SLC9A1: variants seen among roughly 807,000 people sequenced by gnomAD.
SLC9A1 encodes the protein sodium/hydrogen exchanger 1.
A neutral mutation model predicts 67.9 loss-of-function variants in SLC9A1; 22 were observed. That is an observed-to-expected ratio of 0.32 (90% CI 0.23 to 0.46). The LOEUF is 0.46. Among genes scored for constraint, SLC9A1 ranks in the 20% least tolerant of loss-of-function variants. The probability of loss-of-function intolerance (pLI) is 1.00; values close to 1 mark genes in which losing one functional copy is unlikely to be tolerated. For missense variants in SLC9A1, 686 were observed against 1,094.8 expected (o/e 0.63, Z 5.27); for synonymous variants, 421 against 471.8 (o/e 0.89, Z 1.40).
chr1:27,133,297 G>A (rs2083398239), intron 1 of SLC9A1, among the ~76,000 whole-genome samples: 1 of 152,098 alleles, frequency 6.6e-6, no homozygotes, highest in Non-Finnish European at 1.5e-5. Context: ...TCAAACTCCT[G>A]ACCTCAAGCG....
Position 27,101,336 on chromosome 1 carries a change from A to G in SLC9A1, c.2038-61T>C. On this transcript the variant is annotated intron_variant, in intron 10 of 11. Coordinates refer to ENST00000263980, the MANE Select transcript of SLC9A1 (RefSeq NM_003047.5). The surrounding 1 kb of genome is among the most constrained non-coding windows in gnomAD (Gnocchi z 4.9). ...CTGGGCAGAGGGAGCCCCTCAGGAC[A>G]GAACCCGGCCAGTGCACACCCCACC... The G allele has an allele frequency of 7.3e-7, 1 of 1,375,802 alleles. No homozygotes were observed. Among genetic ancestry groups the G allele is most frequent in the East Asian group, 2.3e-5 (1 of 43,680 alleles). 85.2% of individuals were successfully genotyped at this position (1,375,802 alleles called of 1,614,324 possible).
intron 1 of SLC9A1, among the ~76,000 whole-genome samples, chr1:27,127,030 T>C (rs2083349271): frequency 6.6e-6 from 1 of 152,110 alleles, no homozygotes; most frequent in African/African-American, 2.4e-5. Context: ...AAACAGAGTC[T>C]GGCTGTGTTG....
chr1:27,142,127 G>C (rs996173700), intron 1 of SLC9A1, among the ~76,000 whole-genome samples: 4 of 152,088 alleles, frequency 2.6e-5, no homozygotes, highest in African/African-American at 9.7e-5. Context: ...AGGCTTAAAG[G>C]GCCCACTGGA....
In SLC9A1 at chr1:27,101,862, C is replaced by G; in HGVS notation, c.1936-36G>C. 1 of 1,542,322 alleles carries G rather than the reference C, an allele frequency of 6.5e-7. No homozygotes were observed. Among genetic ancestry groups the G allele is most frequent in the South Asian group, 1.1e-5 (1 of 89,418 alleles). The stretch of plus-strand genomic sequence containing the variant: ...GACAGCGTCAGGGCAGTGCGGGCCC[C>G]GGAAGGCTCTGCTCATGGAGGGGTG... On this transcript the variant is annotated intron_variant, in intron 9 of 11. Coordinates refer to ENST00000263980, the MANE Select transcript of SLC9A1 (RefSeq NM_003047.5). This position sits in a 1 kb window ranked among gnomAD's most constrained non-coding sequence, Gnocchi z 4.9.
Position 27,133,437 on chromosome 1 carries a change from C to T in SLC9A1, c.353-19151G>A, listed in dbSNP as rs2083399133. 2.0e-5 allele frequency among the ~76,000 whole-genome samples: 3 copies of T among 152,208 alleles called. No homozygotes were observed. In the South Asian group the frequency reaches 6.2e-4, roughly 32 times the overall value. ...AGTATGGGGGCCCCCTCTTTATTTT[C>T]CTGAAGCTGAGGAGACCCAAACACT... On this transcript the variant is annotated intron_variant, in intron 1 of 11. Coordinates refer to ENST00000263980, the MANE Select transcript of SLC9A1 (RefSeq NM_003047.5).
intron 1 of SLC9A1, among the ~76,000 whole-genome samples, chr1:27,138,386 G>A (rs1215677180): frequency 6.6e-6 from 1 of 151,298 alleles, no homozygotes; most frequent in Admixed American, 6.5e-5. Flanking sequence ...GCCTTCTTCA[G>A]GACACTTACC....
Position 27,154,436 on chromosome 1 carries a change from C to A in SLC9A1, c.-102G>T. 4 of 679,006 alleles carry A rather than the reference C, an allele frequency of 5.9e-6. No homozygotes were observed. The highest frequency in any genetic ancestry group is 9.5e-6 in the Non-Finnish European group (4 of 422,886). The allele number at this position is 679,006 out of a possible 1,614,324, so 42.1% of individuals were successfully genotyped here. On this transcript the variant is annotated 5_prime_UTR_variant, in exon 1 of 12. Transcript: ENST00000263980. ...AAGTGGGAAGAGAGACTGGCGTAGTCTCTAGGAAAAGTTCATGTTTTAGAG... is the reference window on the plus strand; with the variant it reads ...AAGTGGGAAGAGAGACTGGCGTAGTATCTAGGAAAAGTTCATGTTTTAGAG...
rs909327158 is a variant in SLC9A1 at position 27,108,127 on chromosome 1, C to T, written c.1065-262G>A. Among the ~76,000 whole-genome samples, 13 of 143,968 alleles carry T rather than the reference C, an allele frequency of 9.0e-5. No homozygotes were observed. In the South Asian group the frequency reaches 1.3e-3, roughly 14 times the overall value. The allele number at this position is 143,968 out of a possible 152,430, so 94.4% of individuals were successfully genotyped here. On this transcript the variant is annotated intron_variant, in intron 3 of 11. Transcript: ENST00000263980. ...TGTCACCCAGGCTGGAGAGCAGTGG[C>T]GCGATCTTGGCTCACTGCAACCTCC...
Position 27,101,678 on chromosome 1 carries a change from G to T in SLC9A1, c.2037+47C>A. 4 of 1,354,914 alleles carry T rather than the reference G, an allele frequency of 3.0e-6. No homozygotes were observed. Among genetic ancestry groups the T allele is most frequent in the South Asian group, 2.4e-5 (2 of 83,440 alleles). The allele number at this position is 1,354,914 out of a possible 1,614,324, so 83.9% of individuals were successfully genotyped here. On this transcript the variant is annotated intron_variant, in intron 10 of 11. Coordinates refer to ENST00000263980, the MANE Select transcript of SLC9A1 (RefSeq NM_003047.5). This position sits in a 1 kb window ranked among gnomAD's most constrained non-coding sequence, Gnocchi z 4.9. ...TTCCTTAGAGGCTGTGGCGGAGCTTGGGCGAGTGGGGTGGGATACAGATTC... is the reference window on the plus strand; with the variant it reads ...TTCCTTAGAGGCTGTGGCGGAGCTTTGGCGAGTGGGGTGGGATACAGATTC...
intron 1 of SLC9A1, among the ~76,000 whole-genome samples, chr1:27,128,837 A>G (rs1306409814): frequency 6.7e-6 from 1 of 149,972 alleles, no homozygotes; most frequent in East Asian, 2.0e-4. Flanking sequence ...CATGCCTGTA[A>G]TCCCAGCTAC....
rs187780668 is a variant in SLC9A1 at position 27,118,302 on chromosome 1, C to A, written c.353-4016G>T. On this transcript the variant is annotated intron_variant, in intron 1 of 11. Transcript: ENST00000263980. The surrounding 1 kb of genome is among the most constrained non-coding windows in gnomAD (Gnocchi z 4.3). ...TCTGAGATCCACTTTTGGCTCCCTG[C>A]CTGTGGGTAGGTGGCACATTATTGG... Among the ~76,000 whole-genome samples, 120 of 152,300 alleles carry A rather than the reference C, an allele frequency of 7.9e-4. No individual in the cohort carries two copies. Among genetic ancestry groups the A allele is most frequent in the African/African-American group, 2.7e-3 (113 of 41,558 alleles).
At chr1:27,132,306 G>C (rs1159850253) in intron 1 of SLC9A1, among the ~76,000 whole-genome samples, 2 of 152,094 alleles carry the variant, frequency 1.3e-5, no homozygotes, top group African/African-American at 4.8e-5. Context: ...CAATGGAGAG[G>C]AAAGAACACT....
At chr1:27,133,679 T>G (rs1305959642) in intron 1 of SLC9A1, among the ~76,000 whole-genome samples, 1 of 151,976 alleles carries the variant, frequency 6.6e-6, no homozygotes, top group Non-Finnish European at 1.5e-5. Context: ...CTCCACTGCC[T>G]TCTTAGACCA....
intron 1 of SLC9A1, among the ~76,000 whole-genome samples, chr1:27,132,236 T>G (rs1273055813): frequency 6.6e-6 from 1 of 151,796 alleles, no homozygotes; most frequent in Non-Finnish European, 1.5e-5. Flanking sequence ...TAACCACAGT[T>G]CTCCCAGAAT....
chr1:27,098,993 T>C lies in SLC9A1; in HGVS notation c.*1314A>G, dbSNP rs1299837788. On this transcript the variant is annotated 3_prime_UTR_variant, in exon 12 of 12. Coordinates refer to ENST00000263980, the MANE Select transcript of SLC9A1 (RefSeq NM_003047.5). ...GATGGACAGATGGGCCGAGGACCCA[T>C]GGCCCAGTCCCCTGCAAAAAGGGAC... The C allele has an allele frequency of 6.6e-6, 1 of 152,572 alleles. No individual in the cohort carries two copies. The highest frequency in any genetic ancestry group is 2.4e-5 in the African/African-American group (1 of 41,442). The allele number at this position is 152,572 out of a possible 1,614,324, so 9.5% of individuals were successfully genotyped here. A position where few individuals can be genotyped will look rare whatever the true frequency, so the allele number is the denominator to read the frequency against.
chr1:27,101,935 C>CA lies in SLC9A1; in HGVS notation c.1935+80dup. ...CAGTCCTGGGGTGGGTGCCGAGGGGCACGGGCAGGGCAGGGCTGCCGTAGA... is the reference window on the plus strand; with the variant it reads ...CAGTCCTGGGGTGGGTGCCGAGGGGCAACGGGCAGGGCAGGGCTGCCGTAGA... On this transcript the variant is annotated intron_variant, in intron 9 of 11. Coordinates refer to ENST00000263980, the MANE Select transcript of SLC9A1 (RefSeq NM_003047.5). This position sits in a 1 kb window ranked among gnomAD's most constrained non-coding sequence, Gnocchi z 4.9. 7.0e-7 allele frequency: 1 copy of CA among 1,425,968 alleles called. No homozygotes were observed. The highest frequency in any genetic ancestry group is 1.7e-5 in the Admixed American group (1 of 59,736). 88.3% of individuals were successfully genotyped at this position (1,425,968 alleles called of 1,614,324 possible). A position where few individuals can be genotyped will look rare whatever the true frequency, so the allele number is the denominator to read the frequency against.
chr1:27,138,939 C>T (rs1006585648), intron 1 of SLC9A1, among the ~76,000 whole-genome samples: 1 of 152,032 alleles, frequency 6.6e-6, no homozygotes, highest in Non-Finnish European at 1.5e-5. Flanking sequence ...GCAGTGGAGC[C>T]GCAAGACCAT....
rs1196418113 is a variant in SLC9A1, at chr1:27,101,060, G to A, written c.2110+143C>T. ...AGGGATGGCCCCTGACGTAGAAGCA[G>A]CTCATGGCTTGGGAGGGGATCCTGA... On this transcript the variant is annotated intron_variant, in intron 11 of 11. Transcript: ENST00000263980. The surrounding 1 kb of genome is among the most constrained non-coding windows in gnomAD (Gnocchi z 4.9). 1 of 651,464 alleles carries A rather than the reference G, an allele frequency of 1.5e-6. No individual in the cohort carries two copies. The highest frequency in any genetic ancestry group is 2.7e-5 in the East Asian group (1 of 36,514). 40.4% of individuals were successfully genotyped at this position (651,464 alleles called of 1,614,324 possible). A position where few individuals can be genotyped will look rare whatever the true frequency, so the allele number is the denominator to read the frequency against.
Position 27,109,865 on chromosome 1 carries a change from TCCG to T in SLC9A1, c.814-91_814-89del. On this transcript the variant is annotated intron_variant, in intron 2 of 11. Transcript: ENST00000263980. The surrounding 1 kb of genome is among the most constrained non-coding windows in gnomAD (Gnocchi z 5.5). ...GTCCACCCAGGGCAATCCTGTCCCC[TCCG>T]TTAACCATGGCCACAAGAAGAGGCC... 1 of 1,466,316 alleles carries T rather than the reference TCCG, an allele frequency of 6.8e-7. No homozygotes were observed. The allele number at this position is 1,466,316 out of a possible 1,614,324, so 90.8% of individuals were successfully genotyped here. A position where few individuals can be genotyped will look rare whatever the true frequency, so the allele number is the denominator to read the frequency against.
Sources: allele counts gnomAD v4.1 joint callset (sites outside exome capture counted in the v4.1 genomes callset), GRCh38; gene constraint gnomAD v4.1.1; non-coding constraint Gnocchi (gnomAD v3.1); transcripts MANE v1.5; gene names NCBI Gene and HGNC (gene_info 2026-07-23, HGNC 2026-07-21).